Variants in MAP3K13 observed in about 807,000 individuals in gnomAD.
The protein encoded by MAP3K13 is mitogen-activated protein kinase kinase kinase 13, also known as leucine zipper-bearing kinase.
A neutral mutation model predicts 104.0 loss-of-function variants in MAP3K13; 52 were observed. That is an observed-to-expected ratio of 0.50 (90% CI 0.40 to 0.63). The LOEUF is 0.63. MAP3K13 is among the 20% of genes least tolerant of loss of function. The pLI, the probability that MAP3K13 is intolerant of heterozygous loss-of-function variation, is 0.00. For synonymous variants in MAP3K13, 394 were observed against 442.2 expected, an observed-to-expected ratio of 0.89 and a Z score of 1.37; for missense variants, 914 against 1,218.5, an observed-to-expected ratio of 0.75 and a Z score of 3.72.
intron 2 of MAP3K13, among the ~76,000 whole-genome samples, chr3:185,355,321 G>T (rs1173469292): frequency 6.6e-6 from 1 of 152,120 alleles, no homozygotes; most frequent in Non-Finnish European, 1.5e-5. Context: ...ACAAAAATTA[G>T]CCTGGCATGG....
Position 185,364,110 on chromosome 3 carries a change from T to C in MAP3K13, c.-86+742T>C, listed in dbSNP as rs140170818. On this transcript the variant is annotated intron_variant, in intron 1 of 13. Transcript: ENST00000265026. ...CAATTATATTGCATAGAAATGCACA[T>C]GAGTGTTTTCCTAAGATGAACTTAT... is the stretch of plus-strand genomic sequence containing the variant. Among the ~76,000 whole-genome samples the C allele has an allele frequency of 7.4e-3, 1,122 of 152,366 alleles. 10 individuals carry two copies. Among genetic ancestry groups the C allele is most frequent in the African/African-American group, 0.025 (1,026 of 41,584 alleles).
intron 1 of MAP3K13, among the ~76,000 whole-genome samples, chr3:185,407,022 A>G (rs1169745495): frequency 6.6e-6 from 1 of 152,200 alleles, no homozygotes; most frequent in East Asian, 1.9e-4. Context: ...AAAATTTTAT[A>G]TTAAAAGCAT....
At chr3:185,413,239 A>G (rs1047527252) in intron 1 of MAP3K13, among the ~76,000 whole-genome samples, 2 of 152,224 alleles carry the variant, frequency 1.3e-5, no homozygotes, top group African/African-American at 4.8e-5. Flanking sequence ...ATCCCCATGT[A>G]CGAAGGGAGC....
intron 2 of MAP3K13, among the ~76,000 whole-genome samples, chr3:185,355,683 T>C (rs78059151): frequency 8.5e-4 from 130 of 152,104 alleles, no homozygotes; most frequent in African/African-American, 3.0e-3. Context: ...CAGAATTGAC[T>C]TTAAAATGAA....
At chr3:185,457,472 C>G (rs1475138853) in intron 7 of MAP3K13, among the ~76,000 whole-genome samples, 1 of 152,158 alleles carries the variant, frequency 6.6e-6, no homozygotes, top group Middle Eastern at 3.2e-3. Flanking sequence ...TAGGTGATGC[C>G]TTCTCACTGT....
chr3:185,298,846 A>G (rs754977297), intron 2 of MAP3K13, among the ~76,000 whole-genome samples: 1 of 152,238 alleles, frequency 6.6e-6, no homozygotes, highest in African/African-American at 2.4e-5. Flanking sequence ...CTCCTAAACT[A>G]TGGTACACAG....
Position 185,487,481 on chromosome 3 carries a change from A to G in MAP3K13, c.*5025A>G, listed in dbSNP as rs557064655. 6.6e-6 allele frequency: 1 copy of G among 152,194 alleles called. No individual in the cohort carries two copies. Among genetic ancestry groups the G allele is most frequent in the East Asian group, 1.9e-4 (1 of 5,174 alleles). The allele number at this position is 152,194 out of a possible 1,614,324, so 9.4% of individuals were successfully genotyped here. A position where few individuals can be genotyped will look rare whatever the true frequency, so the allele number is the denominator to read the frequency against. ...ATGCCCAGCCTCCAGACTATTTTAA[A>G]TGCCCTCTCCCACTGTGGAACATTG... is the stretch of plus-strand genomic sequence containing the variant. On this transcript the variant is annotated 3_prime_UTR_variant, in exon 14 of 14. Coordinates refer to ENST00000265026, the MANE Select transcript of MAP3K13 (RefSeq NM_004721.5).
chr3:185,408,573 A>C (rs577085313), intron 1 of MAP3K13, among the ~76,000 whole-genome samples: 3 of 21,346 alleles, frequency 1.4e-4, no homozygotes, highest in African/African-American at 4.0e-4. Context: ...CTCCATCTTA[A>C]AAAAAAAAAA....
intron 1 of MAP3K13, among the ~76,000 whole-genome samples, chr3:185,392,874 C>A (rs532303951): frequency 4.6e-5 from 7 of 151,976 alleles, no homozygotes; most frequent in Non-Finnish European, 8.8e-5. Flanking sequence ...CATGATGAAA[C>A]CCTGTCTCTA....
upstream of MAP3K13, among the ~76,000 whole-genome samples, chr3:185,359,959 A>G (rs924114136): frequency 4.6e-5 from 7 of 152,018 alleles, no homozygotes; most frequent in Non-Finnish European, 1.0e-4. Flanking sequence ...AAAACTCCAA[A>G]ACAAGAATAG....
In MAP3K13 at chr3:185,472,043, G is replaced by C. The variant is rs529091342; in HGVS notation, c.1644-932G>C. Among the ~76,000 whole-genome samples, 21 of 152,212 alleles carry C rather than the reference G, an allele frequency of 1.4e-4. No homozygotes were observed. The South Asian group carries it at 4.4e-3, about 32-fold the overall frequency. On this transcript the variant is annotated intron_variant, in intron 10 of 13. Transcript: ENST00000265026. ...TAATTTTTCTATTAGAATTGTGTAA[G>C]CTGAGCCAAATGAGATGTCTATTGA...
chr3:185,288,964 T>C (rs2108670414), intron 2 of MAP3K13, among the ~76,000 whole-genome samples: 1 of 152,284 alleles, frequency 6.6e-6, no homozygotes, highest in Admixed American at 6.5e-5. Flanking sequence ...AAAACATTAA[T>C]ACACAAAAAC....
rs535539572 is a variant in MAP3K13, at chr3:185,285,931, G to A, written c.-86+288G>A. Among the ~76,000 whole-genome samples the A allele has an allele frequency of 2.1e-3, 323 of 151,998 alleles. 4 individuals are homozygous for A. The highest frequency in any genetic ancestry group is 6.8e-3 in the African/African-American group (280 of 41,456). On this transcript the variant is annotated intron_variant, in intron 2 of 14. Transcript: ENST00000424227. ...AGCTTCCTTTCAACACTTTACATCCGGGTAGAAATAATTTAATCTGTGGAT... is the reference window on the plus strand; with the variant it reads ...AGCTTCCTTTCAACACTTTACATCCAGGTAGAAATAATTTAATCTGTGGAT...
At chr3:185,309,757 C>T (rs1284124696) in intron 2 of MAP3K13, among the ~76,000 whole-genome samples, 1 of 152,186 alleles carries the variant, frequency 6.6e-6, no homozygotes, top group Non-Finnish European at 1.5e-5. Flanking sequence ...AGGCACAGAA[C>T]ATTCTCCAGC....
At position 185,468,350 on chromosome 3, in the gene MAP3K13, G is replaced by A. The variant is rs567893575; in HGVS notation, c.1643+1387G>A. Among the ~76,000 whole-genome samples the A allele has an allele frequency of 9.9e-4, 150 of 152,094 alleles. 1 individual carries two copies. Among genetic ancestry groups the A allele is most frequent in the Non-Finnish European group, 1.8e-3 (125 of 68,016 alleles). ...ATCATCTATCAAATCATAGGTGCTC[G>A]AAAAATGTATTTTGGGATAGTTTAA... is the stretch of plus-strand genomic sequence containing the variant. On this transcript the variant is annotated intron_variant, in intron 10 of 13. Transcript: ENST00000265026.
intron 3 of MAP3K13, among the ~76,000 whole-genome samples, chr3:185,439,697 G>C (rs1715224023): frequency 6.6e-6 from 1 of 152,160 alleles, no homozygotes; most frequent in Non-Finnish European, 1.5e-5. Flanking sequence ...TAATAGGATG[G>C]TGTTGTGAGA....
At chr3:185,367,957 A>C (rs1202027139) in intron 1 of MAP3K13, among the ~76,000 whole-genome samples, 7 of 152,126 alleles carry the variant, frequency 4.6e-5, no homozygotes, top group East Asian at 1.9e-4. Context: ...TATAATCTTC[A>C]TCCATCCTGG....
At chr3:185,478,745 G>A (rs1161628548) in intron 12 of MAP3K13, among the ~76,000 whole-genome samples, 1 of 151,908 alleles carries the variant, frequency 6.6e-6, no homozygotes, top group Non-Finnish European at 1.5e-5. Context: ...GGTGGGGCAT[G>A]CCTGTAGTCC....
At chr3:185,352,793 G>A (rs1254388833) in intron 2 of MAP3K13, among the ~76,000 whole-genome samples, 1 of 152,128 alleles carries the variant, frequency 6.6e-6, no homozygotes, top group African/African-American at 2.4e-5. Flanking sequence ...ATATTCTCCT[G>A]TATCTACTTA....
Sources: allele counts gnomAD v4.1 joint callset (sites outside exome capture counted in the v4.1 genomes callset), GRCh38; gene constraint gnomAD v4.1.1; transcripts MANE v1.5; gene names NCBI Gene and HGNC (gene_info 2026-07-23, HGNC 2026-07-21).